INTS6: variants seen among roughly 807,000 people sequenced by gnomAD.
INTS6 encodes integrator complex subunit 6.
Under a neutral mutation model 104.9 loss-of-function variants are expected in INTS6, and 16 were observed. The ratio of observed to expected loss-of-function variants is 0.15; its 90% CI spans 0.10 to 0.23. The LOEUF is 0.23. INTS6 is among the 10% of genes least tolerant of loss of function. The pLI, the probability that INTS6 is intolerant of heterozygous loss-of-function variation, is 1.00. For missense variants in INTS6, 584 were observed against 1,062.8 expected, an observed-to-expected ratio of 0.55 and a Z score of 6.26; for synonymous variants, 324 against 358.7, an observed-to-expected ratio of 0.90 and a Z score of 1.09.
Position 51,364,975 on chromosome 13 carries a change from G to A in INTS6, c.*777C>T, listed in dbSNP as rs938987729. ...TAGCTTTTAAAGTATCTGTCTATCT[G>A]CCCCATACAAAGTCATTCCCATAAT... On this transcript the variant is annotated 3_prime_UTR_variant, in exon 18 of 18. Coordinates refer to ENST00000311234, the MANE Select transcript of INTS6 (RefSeq NM_012141.3). 6.6e-6 allele frequency: 1 copy of A among 152,514 alleles called. No individual in the cohort carries two copies. Among genetic ancestry groups the A allele is most frequent in the Non-Finnish European group, 1.5e-5 (1 of 67,984 alleles). The allele number at this position is 152,514 out of a possible 1,614,324, so 9.4% of individuals were successfully genotyped here. A position where few individuals can be genotyped will look rare whatever the true frequency, so the allele number is the denominator to read the frequency against.
intron 3 of INTS6, chr13:51,436,403 TA>T (rs1176233819): frequency 6.6e-6 from 1 of 152,192 alleles, no homozygotes; most frequent in Non-Finnish European, 1.5e-5. Context: ...TAGTTTCAAG[TA>T]ACTCCGTTAC....
intron 15 of INTS6, among the ~76,000 whole-genome samples, chr13:51,372,440 T>C (rs1228359248): frequency 1.3e-5 from 2 of 152,148 alleles, no homozygotes; most frequent in Non-Finnish European, 2.9e-5. Flanking sequence ...TTTTCTGCTT[T>C]CTCCTCTTAA....
intron 4 of INTS6, among the ~76,000 whole-genome samples, chr13:51,418,810 T>C (rs925321699): frequency 6.6e-6 from 1 of 151,910 alleles, no homozygotes; most frequent in Non-Finnish European, 1.5e-5. Flanking sequence ...GTAAAGTCTT[T>C]CTAATTTTTT....
At chr13:51,419,646 T>C (rs1284929991) in intron 4 of INTS6, among the ~76,000 whole-genome samples, 1 of 152,222 alleles carries the variant, frequency 6.6e-6, no homozygotes, top group Non-Finnish European at 1.5e-5. Context: ...CACTATGCCA[T>C]AACTGTACCT....
At chr13:51,427,506 C>G (rs1474772627) in intron 4 of INTS6, among the ~76,000 whole-genome samples, 1 of 152,078 alleles carries the variant, frequency 6.6e-6, no homozygotes, top group African/African-American at 2.4e-5. Context: ...TAGAATATTT[C>G]ACAATATCTC....
At chr13:51,425,859 T>C (rs1482829117) in intron 4 of INTS6, among the ~76,000 whole-genome samples, 1 of 152,058 alleles carries the variant, frequency 6.6e-6, no homozygotes, top group Non-Finnish European at 1.5e-5. Flanking sequence ...CAACGGTAAC[T>C]ACTAAGGAAG....
In INTS6 at chr13:51,383,477, G is replaced by A. The variant is rs200909317; in HGVS notation, c.1048-16C>T. 50 of 1,608,898 alleles carry A rather than the reference G, an allele frequency of 3.1e-5. No homozygotes were observed. Among genetic ancestry groups the A allele is most frequent in the African/African-American group, 1.6e-4 (12 of 74,578 alleles). On this transcript the variant is annotated splice_polypyrimidine_tract_variant and intron_variant, in intron 8 of 17. Coordinates refer to ENST00000311234, the MANE Select transcript of INTS6 (RefSeq NM_012141.3). The stretch of plus-strand genomic sequence containing the variant: ...TCACGTACACCTGTTAAAAAGGAGC[G>A]GTTAAAACTTTAATAACCTTTAAAG...
At chr13:51,345,045 G>A in the INTS6 span, among the ~76,000 whole-genome samples, 17,637 of 152,292 alleles carry the variant, frequency 0.12, 1,273 homozygotes, top group South Asian at 0.21. Flanking sequence ...TTATACAGTT[G>A]TAATTATTAT....
chr13:51,436,521 G>A (rs920392840), intron 3 of INTS6: 17 of 152,098 alleles, frequency 1.1e-4, no homozygotes, highest in African/African-American at 3.9e-4. Flanking sequence ...GCAAAAGTAG[G>A]GGGGAGTTCC....
chr13:51,363,524 A>C lies in INTS6; in HGVS notation c.*2228T>G, dbSNP rs1378139703. On this transcript the variant is annotated 3_prime_UTR_variant, in exon 18 of 18. Coordinates refer to ENST00000311234, the MANE Select transcript of INTS6 (RefSeq NM_012141.3). ...AGACATTAAAAAAAAAGATTTGAAA[A>C]CCTCAAGATTAAACTTTCCAAGAAT... 4.6e-5 allele frequency: 7 copies of C among 151,868 alleles called. No individual in the cohort carries two copies. Among genetic ancestry groups the C allele is most frequent in the Admixed American group, 4.6e-4 (7 of 15,220 alleles). The allele number at this position is 151,868 out of a possible 1,614,324, so 9.4% of individuals were successfully genotyped here. A position where few individuals can be genotyped will look rare whatever the true frequency, so the allele number is the denominator to read the frequency against.
chr13:51,430,209 C>A, intron 4 of INTS6, 85 bp downstream of exon 4: 1 of 1,062,742 alleles, frequency 9.4e-7, no homozygotes, highest in Non-Finnish European at 1.4e-6. Flanking sequence ...AACGAGAGAA[C>A]CTATTAAAGG....
At chr13:51,342,621 A>G in the INTS6 span, among the ~76,000 whole-genome samples, 2 of 152,098 alleles carry the variant, frequency 1.3e-5, no homozygotes, top group Admixed American at 1.3e-4. Context: ...AAGCCAACTT[A>G]CTCTACTATT....
intron 7 of INTS6, chr13:51,384,832 A>G (rs931165560): frequency 5.6e-5 from 21 of 375,164 alleles, no homozygotes; most frequent in African/African-American, 8.5e-5. Context: ...GTTATCTTCT[A>G]TTTCTTACCA....
In INTS6 at chr13:51,381,967, C is replaced by T. The variant is rs538168869; in HGVS notation, c.1275+62G>A. 6.5e-6 allele frequency: 7 copies of T among 1,084,472 alleles called. No individual in the cohort carries two copies. The East Asian group carries it at 1.7e-4, about 26-fold the overall frequency. 67.2% of individuals were successfully genotyped at this position (1,084,472 alleles called of 1,614,324 possible). A position where few individuals can be genotyped will look rare whatever the true frequency, so the allele number is the denominator to read the frequency against. On this transcript the variant is annotated intron_variant, in intron 10 of 17. Transcript: ENST00000311234. ...CCACCCGCCTCGGCCTCCCAAAGTG[C>T]TGGGATTACAGGCGTGAGTCACTGC...
Position 51,374,439 on chromosome 13 carries a change from C to A in INTS6, c.1873G>T (p.Gly625Cys). 1 of 1,611,114 alleles carries A rather than the reference C, an allele frequency of 6.2e-7. No homozygotes were observed. Among genetic ancestry groups the A allele is most frequent in the Non-Finnish European group, 8.5e-7 (1 of 1,178,134 alleles). Residue 625 changes from glycine (G) to cysteine (C), a missense_variant and splice_region_variant, in exon 15 of 18, where the codon GGT becomes TGT. Gly to Cys is a radical substitution (Grantham distance 159, BLOSUM62 -3). This residue lies in a region of INTS6 where 296 missense variants were observed against 437.0 expected (regional missense o/e 0.68). Coordinates refer to ENST00000311234, the MANE Select transcript of INTS6 (RefSeq NM_012141.3). Reference sequence around the variant, plus strand: ...TCATCTGCTTCATCTATCATCATACCCTTTAGCAAAAAAGAATACAACTTT... The same window carrying A: ...TCATCTGCTTCATCTATCATCATACACTTTAGCAAAAAAGAATACAACTTT... ...FGNPFKLDKKGMMIDEADEFV... is the reference protein window; with the variant it reads ...FGNPFKLDKKCMMIDEADEFV...
At position 51,403,591 on chromosome 13, in the gene INTS6, A is replaced by AG. The variant is rs1247165438; in HGVS notation, c.430-8109_430-8108insC. ...AGTGAGACTCCATTTCAAAAAAAAAAAAGAAAAAAAAAAGAAAAAAAAAAA... is the reference window on the plus strand; with the variant it reads ...AGTGAGACTCCATTTCAAAAAAAAAAGAAGAAAAAAAAAAGAAAAAAAAAAA... On this transcript the variant is annotated intron_variant, in intron 4 of 17. Coordinates refer to ENST00000311234, the MANE Select transcript of INTS6 (RefSeq NM_012141.3). Among the ~76,000 whole-genome samples, 12 of 145,648 alleles carry AG rather than the reference A, an allele frequency of 8.2e-5. No homozygotes were observed. In the East Asian group the frequency reaches 2.3e-3, roughly 28 times the overall value.
chr13:51,350,960 A>G (rs1955397238), downstream of INTS6, among the ~76,000 whole-genome samples: 1 of 152,202 alleles, frequency 6.6e-6, no homozygotes, highest in Non-Finnish European at 1.5e-5. Flanking sequence ...GGTTCATAGT[A>G]GCATGAATCA....
At chr13:51,356,412 T>C (rs1305556028) in intron 3 of INTS6, among the ~76,000 whole-genome samples, 1 of 152,200 alleles carries the variant, frequency 6.6e-6, no homozygotes, top group Non-Finnish European at 1.5e-5. Flanking sequence ...TGTTTGATAA[T>C]GTGCAAAATC....
At chr13:51,401,591 A>G (rs1047042569) in intron 4 of INTS6, among the ~76,000 whole-genome samples, 3 of 152,160 alleles carry the variant, frequency 2.0e-5, no homozygotes, top group African/African-American at 4.8e-5. Flanking sequence ...ATTAATAACA[A>G]TAATACTTTT....
Sources: allele counts gnomAD v4.1 joint callset (sites outside exome capture counted in the v4.1 genomes callset), GRCh38; gene constraint gnomAD v4.1.1; regional missense constraint gnomAD v4.1.1; transcripts MANE v1.5; gene names NCBI Gene and HGNC (gene_info 2026-07-23, HGNC 2026-07-21).